The following PARP1 variants were observed in gnomAD, a reference collection of about 807,000 sequenced individuals.
PARP1 encodes the protein poly(ADP-ribose) polymerase 1, also known as poly [ADP-ribose] polymerase 1.
In PARP1, 44 loss-of-function variants were observed where a neutral mutation model predicts 118.7. That is an observed-to-expected ratio of 0.37 (90% CI 0.29 to 0.48). The LOEUF (loss-of-function observed/expected upper bound fraction) is 0.48. Ranked by LOEUF, PARP1 falls within the 20% of genes least tolerant of loss-of-function variation. PARP1 has a pLI of 0.99. For synonymous variants in PARP1, 492 were observed against 483.2 expected (o/e 1.02, Z -0.24); for missense variants, 1,100 against 1,272.4 (o/e 0.86, Z 2.06).
intron 2 of PARP1, among the ~76,000 whole-genome samples, chr1:226,398,360 G>A (rs983139304): frequency 1.3e-5 from 2 of 152,090 alleles, no homozygotes; most frequent in Admixed American, 1.3e-4. Context: ...GGGCAACAAG[G>A]TGGGGCCCTG....
At chr1:226,370,175 C>T (rs3219111) in intron 15 of PARP1, among the ~76,000 whole-genome samples, 4,672 of 152,136 alleles carry the variant, frequency 0.031, 100 homozygotes, top group Non-Finnish European at 0.048. Flanking sequence ...GGGTAACCAA[C>T]GTCTTCAAGT....
chr1:226,401,459 G>A (rs1665035699), intron 2 of PARP1, among the ~76,000 whole-genome samples: 1 of 152,230 alleles, frequency 6.6e-6, no homozygotes. Context: ...GACATGTTAA[G>A]AAACGGGGTG....
intron 14 of PARP1, among the ~76,000 whole-genome samples, chr1:226,371,627 T>C (rs1453286966): frequency 6.6e-6 from 1 of 152,172 alleles, no homozygotes; most frequent in African/African-American, 2.4e-5. Flanking sequence ...GATAATCTAT[T>C]TCAAGCCAAG....
chr1:226,361,587 T>C, intron 22 of PARP1, 46 bp from the exon 23 acceptor site: 2 of 1,323,096 alleles, frequency 1.5e-6, no homozygotes, highest in South Asian at 1.2e-5. Context: ...CAACAGAGGG[T>C]ATGTACATGT....
rs1398310587 is a variant in PARP1 at position 226,392,628 on chromosome 1, T to C, written c.287-314A>G. ...CCTCCCACACTTTAGAAAGCACTTATTAGGTGCTTACCTTAAAAGCCTGGA... is the reference window on the plus strand; with the variant it reads ...CCTCCCACACTTTAGAAAGCACTTACTAGGTGCTTACCTTAAAAGCCTGGA... On this transcript the variant is annotated intron_variant, in intron 2 of 22. Coordinates refer to ENST00000366794, the MANE Select transcript of PARP1 (RefSeq NM_001618.4). 9.2e-6 allele frequency: 5 copies of C among 540,760 alleles called. No individual in the cohort carries two copies. The East Asian group carries it at 1.3e-4, about 14-fold the overall frequency. The allele number at this position is 540,760 out of a possible 1,614,324, so 33.5% of individuals were successfully genotyped here.
chr1:226,392,324 C>T lies in PARP1; in HGVS notation c.287-10G>A, dbSNP rs1576400605. On this transcript the variant is annotated splice_polypyrimidine_tract_variant and intron_variant, in intron 2 of 22. Coordinates refer to ENST00000366794, the MANE Select transcript of PARP1 (RefSeq NM_001618.4). Reference sequence around the variant, plus strand: ...CCATCCTGGCCTTTGCCTGGAGAATCAAACAGACAGCAATGCTCATCTCAA... The same window carrying T: ...CCATCCTGGCCTTTGCCTGGAGAATTAAACAGACAGCAATGCTCATCTCAA... 6.3e-7 allele frequency: 1 copy of T among 1,593,670 alleles called. No homozygotes were observed. The highest frequency in any genetic ancestry group is 8.6e-7 in the Non-Finnish European group (1 of 1,161,848).
rs2271344 is a variant in PARP1, at chr1:226,379,853, C to T, written c.1543+69G>A. ...GTCAGGGACACAAAGGGAGAGGTTC[C>T]GTGGACAACAACCTGGCCACCAATG... On this transcript the variant is annotated intron_variant, in intron 10 of 22. Transcript: ENST00000366794. The T allele has an allele frequency of 6.5e-3, 10,510 of 1,608,090 alleles. 694 individuals carry two copies. In the East Asian group the frequency reaches 0.17, roughly 25 times the overall value.
chr1:226,380,962 G>T, intron 9 of PARP1, 106 bp downstream of exon 9: 1 of 1,255,618 alleles, frequency 8.0e-7, no homozygotes, highest in Non-Finnish European at 1.2e-6. Context: ...ATGATGTTAA[G>T]ATCCAGTTTT....
At chr1:226,401,792 C>G (rs1051201747) in intron 2 of PARP1, among the ~76,000 whole-genome samples, 1 of 152,036 alleles carries the variant, frequency 6.6e-6, no homozygotes, top group African/African-American at 2.4e-5. Flanking sequence ...TGTAGAGCAT[C>G]AGGAGTTTCT....
chr1:226,382,374 C>T (rs1468355688), intron 8 of PARP1, among the ~76,000 whole-genome samples: 1 of 152,168 alleles, frequency 6.6e-6, no homozygotes, highest in Admixed American at 6.5e-5. Context: ...CTGGTGGGCG[C>T]AGGGCAGCCT....
At position 226,393,896 on chromosome 1, in the gene PARP1, A is replaced by C. The variant is rs988715935; in HGVS notation, c.287-1582T>G. ...ATACCAAAGACACACCACAAATGAG[A>C]AGACAGACATGACTACACAAACGTT... On this transcript the variant is annotated intron_variant, in intron 2 of 22. Transcript: ENST00000366794. Among the ~76,000 whole-genome samples the C allele has an allele frequency of 6.6e-5, 10 of 152,384 alleles. No individual in the cohort carries two copies. In the East Asian group the frequency reaches 1.9e-3, roughly 29 times the overall value.
intron 10 of PARP1, 69 bp downstream of exon 10, chr1:226,379,853 C>A: frequency 6.2e-7 from 1 of 1,608,100 alleles, no homozygotes; most frequent in Non-Finnish European, 8.5e-7. Flanking sequence ...GGAGAGGTTC[C>A]GTGGACAACA....
chr1:226,382,978 G>C, intron 8 of PARP1, 58 bp downstream of exon 8: 2 of 1,567,460 alleles, frequency 1.3e-6, no homozygotes, highest in Non-Finnish European at 1.8e-6. Context: ...CCACCAGCAA[G>C]TAGTGGGCAA....
Position 226,402,301 on chromosome 1 carries a change from G to T in PARP1, c.199C>A (p.Pro67Thr). 1.2e-6 allele frequency: 2 copies of T among 1,614,086 alleles called. No homozygotes were observed. The highest frequency in any genetic ancestry group is 4.5e-5 in the East Asian group (2 of 44,892). The part of the protein sequence containing the change: ...FWKVGHSIRH[P>T]DVEVDGFSEL... ...GAGAACCCATCCACCTCAACGTCAG[G>T]GTGCCGGATGGAGTGGCCCACCTTC... is the stretch of plus-strand genomic sequence containing the variant. The change falls in exon 2 of 23, where the codon CCT becomes ACT. Residue 67 changes from proline to threonine, a missense_variant. Transcript: ENST00000366794.
chr1:226,390,065 C>A lies in PARP1; in HGVS notation c.617+345G>T, dbSNP rs78458403. On this transcript the variant is annotated intron_variant, in intron 4 of 22. Transcript: ENST00000366794. ...GTGATCAACCCAGGCACAACAAATA[C>A]CCAGGGAAGGAAGGTGGTCTTTTAA... is the stretch of plus-strand genomic sequence containing the variant. Among the ~76,000 whole-genome samples the A allele has an allele frequency of 3.4e-3, 518 of 152,268 alleles. 1 individual carries two copies. Among genetic ancestry groups the A allele is most frequent in the Non-Finnish European group, 5.6e-3 (378 of 68,026 alleles).
intron 4 of PARP1, 90 bp downstream of exon 4, chr1:226,390,318 AAC>A: frequency 9.1e-7 from 1 of 1,093,040 alleles, no homozygotes; most frequent in Non-Finnish European, 1.4e-6. Flanking sequence ...AGCGAAGGGA[AAC>A]AGAGGAGTGG....
Position 226,362,021 on chromosome 1 carries a change from G to A in PARP1, c.2911C>T (p.Leu971Phe), listed in dbSNP as rs1444805829. The A allele has an allele frequency of 4.3e-6, 7 of 1,613,802 alleles. No individual in the cohort carries two copies. In the East Asian group the frequency reaches 8.9e-5, roughly 21 times the overall value. Residue 971 changes from leucine (L) to phenylalanine (F), a missense_variant, in exon 22 of 23, where the codon CTT (leucine) becomes TTT (phenylalanine). Coordinates refer to ENST00000366794, the MANE Select transcript of PARP1 (RefSeq NM_001618.4). The part of the protein sequence containing the change: ...NISLDGVDVP[L>F]GTGISSGVND... ...ACACCAGATGAAATCCCGGTCCCAA[G>A]AGGAACGTCTACACCATCCAGACTA...
chr1:226,403,825 C>A (rs867070238), intron 1 of PARP1, among the ~76,000 whole-genome samples: 1 of 152,202 alleles, frequency 6.6e-6, no homozygotes, highest in Non-Finnish European at 1.5e-5. Flanking sequence ...AAATGTCACA[C>A]AGATGCAATA....
rs898494440 is a variant in PARP1, at chr1:226,363,121, G to A, written c.2826C>T (p.Pro942=). Residue 942 remains proline (P), a synonymous_variant, in exon 21 of 23, where the codon CCC becomes CCT. Transcript: ENST00000366794. ...TACCTTTGACACTGTGCTTGCCCTT[G>A]GGTAACTTGCTGATATGTGAAGCGT... ...LKHASHISKL[P]KGKHSVKGLG... 12 of 1,613,464 alleles carry A rather than the reference G, an allele frequency of 7.4e-6. No individual in the cohort carries two copies. The highest frequency in any genetic ancestry group is 8.5e-6 in the Non-Finnish European group (10 of 1,179,522).
Sources: allele counts gnomAD v4.1 joint callset (sites outside exome capture counted in the v4.1 genomes callset), GRCh38; gene constraint gnomAD v4.1.1; transcripts MANE v1.5; gene names NCBI Gene and HGNC (gene_info 2026-07-23, HGNC 2026-07-21).